PCDHGA11: variants seen among roughly 807,000 people sequenced by gnomAD.
PCDHGA11 encodes the protein protocadherin gamma-A11.
PCDHGA11 carries 39 observed loss-of-function variants against 60.4 expected under a neutral mutation model. The ratio of observed to expected loss-of-function variants is 0.65; its 90% CI spans 0.50 to 0.84. The LOEUF (loss-of-function observed/expected upper bound fraction) is 0.84, where lower values mean the gene tolerates loss of function less well. Ranked by LOEUF, PCDHGA11 falls within the 40% of genes least tolerant of loss-of-function variation. PCDHGA11 has a pLI of 0.00. For synonymous variants in PCDHGA11, 533 were observed against 510.3 expected, an observed-to-expected ratio of 1.04 and a Z score of -0.60; for missense variants, 1,165 against 1,197.7, an observed-to-expected ratio of 0.97 and a Z score of 0.40.
In PCDHGA11 at chr5:141,431,304, T is replaced by G. The variant is rs749116196; in HGVS notation, c.2433+7644T>G. The G allele has an allele frequency of 7.4e-6, 12 of 1,614,104 alleles. No individual in the cohort carries two copies. Among genetic ancestry groups the G allele is most frequent in the Non-Finnish European group, 9.3e-6 (11 of 1,180,030 alleles). On this transcript the variant is annotated intron_variant, in intron 1 of 3. Coordinates refer to ENST00000398587, the MANE Select transcript of PCDHGA11 (RefSeq NM_018914.3). The surrounding 1 kb of genome is among the most constrained non-coding windows in gnomAD (Gnocchi z 4.8). ...CCGAACACTCACTTCTCCCTCATCGTGCAAAATGGAGCCGACGGTAGTAAG... is the reference window on the plus strand; with the variant it reads ...CCGAACACTCACTTCTCCCTCATCGGGCAAAATGGAGCCGACGGTAGTAAG...
rs1393235114 is a variant in PCDHGA11, at chr5:141,476,581, G to T, written c.2434-18226G>T. ...CCGTGGCTCCGGGGACGCGCTTTCC[G>T]CTCGAGAGCGCGCACGATCCCGATG... On this transcript the variant is annotated intron_variant, in intron 1 of 3. Transcript: ENST00000398587. This position sits in a 1 kb window ranked among gnomAD's most constrained non-coding sequence, Gnocchi z 7.6. 8.7e-6 allele frequency: 14 copies of T among 1,614,112 alleles called. No homozygotes were observed. The Admixed American group carries it at 2.2e-4, about 25-fold the overall frequency.
chr5:141,459,259 G>T (rs996530664), intron 1 of PCDHGA11, among the ~76,000 whole-genome samples: 1 of 152,140 alleles, frequency 6.6e-6, no homozygotes, highest in Non-Finnish European at 1.5e-5. Context: ...ATAAATTAGT[G>T]TTGCCTCTTT....
At chr5:141,474,607 A>C (rs1334447439) in intron 1 of PCDHGA11, among the ~76,000 whole-genome samples, 1 of 152,238 alleles carries the variant, frequency 6.6e-6, no homozygotes, top group Non-Finnish European at 1.5e-5. Context: ...TAGGTCACAT[A>C]TGGCTTTTCA....
rs1468210173 is a variant in PCDHGA11 at position 141,512,170 on chromosome 5, A to T, written c.*997A>T. 1 of 152,720 alleles carries T rather than the reference A, an allele frequency of 6.5e-6. No homozygotes were observed. The highest frequency in any genetic ancestry group is 1.5e-5 in the Non-Finnish European group (1 of 68,120). The allele number at this position is 152,720 out of a possible 1,614,324, so 9.5% of individuals were successfully genotyped here. On this transcript the variant is annotated 3_prime_UTR_variant, in exon 4 of 4. Coordinates refer to ENST00000398587, the MANE Select transcript of PCDHGA11 (RefSeq NM_018914.3). ...TGGGCTGAGCTAACAGGACCAATGG[A>T]TTAAACTGGCATTTCAGTCCAAGGA...
In PCDHGA11 at chr5:141,485,222, C is replaced by A; in HGVS notation, c.2434-9585C>A. The A allele has an allele frequency of 6.2e-7, 1 of 1,614,196 alleles. No homozygotes were observed. The highest frequency in any genetic ancestry group is 8.5e-7 in the Non-Finnish European group (1 of 1,180,020). On this transcript the variant is annotated intron_variant, in intron 1 of 3. Transcript: ENST00000398587. This position sits in a 1 kb window ranked among gnomAD's most constrained non-coding sequence, Gnocchi z 5.7. ...GACAGAAATCTGGCGGTGGGCTACC[C>A]TTTTGTTCCTCTTTTACCACCTGGG...
rs749221752 is a variant in PCDHGA11 at position 141,432,670 on chromosome 5, G to T, written c.2433+9010G>T. ...CGCGAGCCCTGCTGGACAGAGACGCGCTCAAGCAGAGCCTCGTAGTGGCCG... is the reference window on the plus strand; with the variant it reads ...CGCGAGCCCTGCTGGACAGAGACGCTCTCAAGCAGAGCCTCGTAGTGGCCG... On this transcript the variant is annotated intron_variant, in intron 1 of 3. Coordinates refer to ENST00000398587, the MANE Select transcript of PCDHGA11 (RefSeq NM_018914.3). This position sits in a 1 kb window ranked among gnomAD's most constrained non-coding sequence, Gnocchi z 6.0. 7 of 1,613,750 alleles carry T rather than the reference G, an allele frequency of 4.3e-6. No homozygotes were observed. The African/African-American group carries it at 5.3e-5, about 12-fold the overall frequency.
chr5:141,485,344 C>G lies in PCDHGA11; in HGVS notation c.2434-9463C>G. On this transcript the variant is annotated intron_variant, in intron 1 of 3. Coordinates refer to ENST00000398587, the MANE Select transcript of PCDHGA11 (RefSeq NM_018914.3). This position sits in a 1 kb window ranked among gnomAD's most constrained non-coding sequence, Gnocchi z 5.7. ...CTCAAGATTTCCTGCTGGATACGGA[C>G]AGTCTGTCAGCTCGCAGGCTGCAGG... 6.2e-7 allele frequency: 1 copy of G among 1,614,116 alleles called. No individual in the cohort carries two copies. The highest frequency in any genetic ancestry group is 8.5e-7 in the Non-Finnish European group (1 of 1,180,004).
At chr5:141,467,604 CT>C (rs2099147202) in intron 1 of PCDHGA11, among the ~76,000 whole-genome samples, 1 of 152,204 alleles carries the variant, frequency 6.6e-6, no homozygotes, top group Non-Finnish European at 1.5e-5. Context: ...AGCACTTCAT[CT>C]TTGTCCCAGT....
At chr5:141,466,809 C>T (rs1187657283) in intron 1 of PCDHGA11, among the ~76,000 whole-genome samples, 2 of 152,102 alleles carry the variant, frequency 1.3e-5, no homozygotes, top group African/African-American at 4.8e-5. Context: ...CCTATTCAGA[C>T]ATGGTATAAC....
intron 3 of PCDHGA11, among the ~76,000 whole-genome samples, chr5:141,510,468 A>G (rs1246106107): frequency 2.0e-5 from 3 of 152,152 alleles, no homozygotes; most frequent in Admixed American, 2.0e-4. Flanking sequence ...TGTGGGAGTC[A>G]GAGGCTCCCT....
At chr5:141,469,836 T>C (rs2099212875) in intron 1 of PCDHGA11, among the ~76,000 whole-genome samples, 1 of 152,064 alleles carries the variant, frequency 6.6e-6, no homozygotes, top group South Asian at 2.1e-4. Flanking sequence ...ATAAAACTTA[T>C]TCTTAAGATT....
rs1488042504 is a variant in PCDHGA11, at chr5:141,511,552, T to C, written c.*379T>C. ...CCTCCTCCCCACCCCACTCCAACAG[T>C]TCCTCTTTCCCGAGTAAGGTGGTTG... On this transcript the variant is annotated 3_prime_UTR_variant, in exon 4 of 4. Coordinates refer to ENST00000398587, the MANE Select transcript of PCDHGA11 (RefSeq NM_018914.3). 1.3e-5 allele frequency: 4 copies of C among 304,316 alleles called. No individual in the cohort carries two copies. The highest frequency in any genetic ancestry group is 2.6e-5 in the Non-Finnish European group (4 of 156,548). The allele number at this position is 304,316 out of a possible 1,614,324, so 18.9% of individuals were successfully genotyped here.
chr5:141,432,367 C>A lies in PCDHGA11; in HGVS notation c.2433+8707C>A, dbSNP rs2097491556. 6.2e-7 allele frequency: 1 copy of A among 1,614,246 alleles called. No individual in the cohort carries two copies. The highest frequency in any genetic ancestry group is 8.5e-7 in the Non-Finnish European group (1 of 1,180,040). The stretch of plus-strand genomic sequence containing the variant: ...TGCAAGTGAAAGTGATGGCGCGGGA[C>A]AACGGGCACCCGCCCCTCAGCAGCA... On this transcript the variant is annotated intron_variant, in intron 1 of 3. Transcript: ENST00000398587. This position sits in a 1 kb window ranked among gnomAD's most constrained non-coding sequence, Gnocchi z 6.0.
chr5:141,456,698 C>T (rs1466672057), intron 1 of PCDHGA11, among the ~76,000 whole-genome samples: 1 of 152,132 alleles, frequency 6.6e-6, no homozygotes, highest in Non-Finnish European at 1.5e-5. Flanking sequence ...GGCGTGGTGG[C>T]TCGCGCCTGT....
chr5:141,469,762 A>G (rs547099941), intron 1 of PCDHGA11, among the ~76,000 whole-genome samples: 15 of 152,360 alleles, frequency 9.8e-5, no homozygotes, highest in African/African-American at 3.4e-4. Flanking sequence ...ATACATATAT[A>G]CCAGCTTATT....
At position 141,493,026 on chromosome 5, in the gene PCDHGA11, C is replaced by G. The variant is rs73280358; in HGVS notation, c.2434-1781C>G. Reference sequence around the variant, plus strand: ...TAGGCTCTGCCAGATGCCAGGGTGCCCTTATGTGTGAGGAAACTACAATAG... The same window carrying G: ...TAGGCTCTGCCAGATGCCAGGGTGCGCTTATGTGTGAGGAAACTACAATAG... On this transcript the variant is annotated intron_variant, in intron 1 of 3. Coordinates refer to ENST00000398587, the MANE Select transcript of PCDHGA11 (RefSeq NM_018914.3). This position sits in a 1 kb window ranked among gnomAD's most constrained non-coding sequence, Gnocchi z 4.3. 0.039 allele frequency among the ~76,000 whole-genome samples: 5,923 copies of G among 152,298 alleles called. 150 individuals are homozygous for G. The highest frequency in any genetic ancestry group is 0.077 in the South Asian group (370 of 4,822).
intron 1 of PCDHGA11, among the ~76,000 whole-genome samples, chr5:141,465,779 G>GT (rs879859429): frequency 0.017 from 2,504 of 144,598 alleles, 23 homozygotes; most frequent in Non-Finnish European, 0.024. Flanking sequence ...TCTTGTTACA[G>GT]TTTTTTTTTT....
Position 141,477,952 on chromosome 5 carries a change from A to T in PCDHGA11, c.2434-16855A>T, listed in dbSNP as rs907708638. ...CCTGGCTCTCCTACAGTCTCTTGGG[A>T]TCCCCTAACCAGAGCCTTTTTGCCA... On this transcript the variant is annotated intron_variant, in intron 1 of 3. Coordinates refer to ENST00000398587, the MANE Select transcript of PCDHGA11 (RefSeq NM_018914.3). This position sits in a 1 kb window ranked among gnomAD's most constrained non-coding sequence, Gnocchi z 4.9. The T allele has an allele frequency of 1.9e-6, 3 of 1,613,920 alleles. No individual in the cohort carries two copies. The African/African-American group carries it at 4.0e-5, about 22-fold the overall frequency.
chr5:141,494,784 C>T, intron 1 of PCDHGA11, 23 bp from the exon 2 acceptor site: 1 of 1,614,110 alleles, frequency 6.2e-7, no homozygotes, highest in Non-Finnish European at 8.5e-7. Flanking sequence ...TACTCAGCCC[C>T]TTTCCCTCTG....
Sources: gnomAD v4.1 joint callset for allele counts (sites outside exome capture counted in the v4.1 genomes callset) on GRCh38, gnomAD v4.1.1 for gene constraint, Gnocchi (gnomAD v3.1) non-coding constraint, MANE v1.5 for transcripts, NCBI Gene and HGNC (gene_info 2026-07-23, HGNC 2026-07-21) for gene names.